Variants in ERC2 observed in about 807,000 individuals in gnomAD.
ERC2 encodes the protein ELKS/RAB6-interacting/CAST family member 2.
A neutral mutation model predicts 114.8 loss-of-function variants in ERC2; 42 were observed. The observed-to-expected ratio is 0.37, with a 90% CI of 0.29 to 0.47. ERC2 has a LOEUF of 0.47. ERC2 is among the 20% of genes least tolerant of loss of function. The pLI, the probability that ERC2 is intolerant of heterozygous loss-of-function variation, is 0.99. For synonymous variants in ERC2, 454 were observed against 425.5 expected, an observed-to-expected ratio of 1.07 and a Z score of -0.82; for missense variants, 939 against 1,150.7, an observed-to-expected ratio of 0.82 and a Z score of 2.66.
intron 1 of ERC2, among the ~76,000 whole-genome samples, chr3:56,467,389 TA>T (rs1456315218): frequency 2.0e-5 from 3 of 152,120 alleles, no homozygotes; most frequent in Non-Finnish European, 4.4e-5. Flanking sequence ...GATCCACTCC[TA>T]AAAGAGCGGA....
chr3:56,066,133 C>T (rs561957529), intron 7 of ERC2, among the ~76,000 whole-genome samples: 12 of 152,326 alleles, frequency 7.9e-5, no homozygotes, highest in Admixed American at 7.2e-4. Context: ...CTGTCTCCCA[C>T]AGTGGTTGAA....
chr3:56,021,907 C>CT, intron 7 of ERC2, among the ~76,000 whole-genome samples: 1 of 152,320 alleles, frequency 6.6e-6, no homozygotes, highest in South Asian at 2.1e-4. Context: ...TTATCTCATT[C>CT]TTTTTTATGG....
intron 14 of ERC2, among the ~76,000 whole-genome samples, chr3:55,776,616 G>A (rs891968849): frequency 6.6e-6 from 1 of 152,172 alleles, no homozygotes. Flanking sequence ...AAAGGGGCTG[G>A]GAAGGGTCAA....
intron 2 of ERC2, among the ~76,000 whole-genome samples, chr3:56,411,912 C>G (rs1576828962): frequency 6.6e-6 from 1 of 152,208 alleles, no homozygotes; most frequent in African/African-American, 2.4e-5. Flanking sequence ...AGAAAAAAAG[C>G]TGGAGGGTGA....
chr3:55,765,808 G>T (rs1358115135), intron 14 of ERC2, among the ~76,000 whole-genome samples: 1 of 152,194 alleles, frequency 6.6e-6, no homozygotes, highest in Non-Finnish European at 1.5e-5. Context: ...TTCCCTGCCT[G>T]CTCAGGTGAG....
chr3:55,577,747 G>C (rs1463349038), intron 17 of ERC2, among the ~76,000 whole-genome samples: 1 of 152,144 alleles, frequency 6.6e-6, no homozygotes, highest in African/African-American at 2.4e-5. Flanking sequence ...ATTAAGAGAT[G>C]CTCCCTAATA....
intron 14 of ERC2, among the ~76,000 whole-genome samples, chr3:55,777,362 C>A (rs13082377): frequency 0.011 from 1,718 of 152,298 alleles, 25 homozygotes; most frequent in Non-Finnish European, 0.012. Context: ...ATGTGGTGCT[C>A]TACAGAAGGG....
chr3:55,900,121 T>G (rs1158396960), intron 13 of ERC2, among the ~76,000 whole-genome samples: 1 of 152,166 alleles, frequency 6.6e-6, no homozygotes. Context: ...TATAATCCGG[T>G]GGGGAGAGCC....
At chr3:56,246,877 A>C (rs1303459795) in intron 3 of ERC2, among the ~76,000 whole-genome samples, 2 of 152,254 alleles carry the variant, frequency 1.3e-5, no homozygotes, top group Non-Finnish European at 2.9e-5. Context: ...AAATTCAACT[A>C]TCTAACAACT....
At chr3:56,300,307 GA>G (rs113957871) in intron 2 of ERC2, among the ~76,000 whole-genome samples, 2,731 of 146,808 alleles carry the variant, frequency 0.019, 87 homozygotes, top group African/African-American at 0.062. Context: ...AAAAACAAAA[GA>G]AAAAAAATAG....
intron 14 of ERC2, among the ~76,000 whole-genome samples, chr3:55,773,314 G>A (rs1388455275): frequency 2.0e-5 from 3 of 152,168 alleles, no homozygotes; most frequent in African/African-American, 7.2e-5. Context: ...TCTCGGACAT[G>A]CACTTGGCTG....
At chr3:55,994,698 A>G (rs2071368866) in intron 10 of ERC2, among the ~76,000 whole-genome samples, 1 of 149,192 alleles carries the variant, frequency 6.7e-6, no homozygotes. Context: ...TTACAGAGAC[A>G]GCGTAGTCTG....
chr3:56,028,235 TC>T (rs1212896650), intron 7 of ERC2, among the ~76,000 whole-genome samples: 1 of 152,128 alleles, frequency 6.6e-6, no homozygotes, highest in Non-Finnish European at 1.5e-5. Flanking sequence ...GTAGAGTGAA[TC>T]TTTTAACCTT....
In ERC2 at chr3:56,138,349, C is replaced by T. The variant is rs143609240; in HGVS notation, c.1473+1160G>A. Among the ~76,000 whole-genome samples, 401 of 152,198 alleles carry T rather than the reference C, an allele frequency of 2.6e-3. 2 individuals are homozygous for T. The highest frequency in any genetic ancestry group is 9.2e-3 in the African/African-American group (384 of 41,536). ...TGTTGGGATTACAGGCGTGAGCCAC[C>T]GCGCCCAGCCTGAAAATGGTATTTT... On this transcript the variant is annotated intron_variant, in intron 6 of 17. Transcript: ENST00000288221.
At chr3:56,303,003 AGTGAGTCT>A (rs1489115299) in intron 2 of ERC2, among the ~76,000 whole-genome samples, 1 of 152,224 alleles carries the variant, frequency 6.6e-6, no homozygotes, top group African/African-American at 2.4e-5. Context: ...TCAAGTGCAA[AGTGAGTCT>A]GTGGTTGAAT....
chr3:55,583,992 C>G (rs545801328), intron 17 of ERC2, among the ~76,000 whole-genome samples: 2 of 152,268 alleles, frequency 1.3e-5, no homozygotes, highest in Admixed American at 1.3e-4. Context: ...TTAAGTCACT[C>G]AAGCCTCAGT....
intron 17 of ERC2, among the ~76,000 whole-genome samples, chr3:55,534,414 C>T (rs1452599016): frequency 7.5e-6 from 1 of 133,290 alleles, no homozygotes; most frequent in South Asian, 2.4e-4. Flanking sequence ...AAAAAAAAGG[C>T]CAGGCTTGGT....
intron 14 of ERC2, among the ~76,000 whole-genome samples, chr3:55,849,666 T>A (rs1320522186): frequency 3.9e-5 from 6 of 152,182 alleles, no homozygotes; most frequent in Admixed American, 3.9e-4. Flanking sequence ...TTCTAATGAT[T>A]TCAAATTTAA....
intron 3 of ERC2, among the ~76,000 whole-genome samples, chr3:56,293,716 C>T (rs978043494): frequency 2.6e-5 from 4 of 152,224 alleles, no homozygotes; most frequent in African/African-American, 7.2e-5. Context: ...TATTGGTCTG[C>T]ACTTTCTGTT....
Sources: gnomAD v4.1 joint callset for allele counts (sites outside exome capture counted in the v4.1 genomes callset) on GRCh38, gnomAD v4.1.1 for gene constraint, MANE v1.5 for transcripts, NCBI Gene and HGNC (gene_info 2026-07-23, HGNC 2026-07-21) for gene names.